ITPKB: variants seen among roughly 807,000 people sequenced by gnomAD.
ITPKB encodes the protein inositol-trisphosphate 3-kinase B, also known as IP3 3-kinase B.
In ITPKB, 13 loss-of-function variants were observed where a neutral mutation model predicts 69.4. The ratio of observed to expected loss-of-function variants is 0.19; its 90% CI spans 0.12 to 0.30. The LOEUF (loss-of-function observed/expected upper bound fraction) is 0.30, where lower values mean the gene tolerates loss of function less well. Ranked by LOEUF, ITPKB falls within the 10% of genes least tolerant of loss-of-function variation. The pLI, the probability that ITPKB is intolerant of heterozygous loss-of-function variation, is 1.00. For missense variants in ITPKB, 1,240 were observed against 1,250.5 expected (o/e 0.99, Z 0.13); for synonymous variants, 584 against 513.7 (o/e 1.14, Z -1.85).
At chr1:226,635,020 AT>A in intron 7 of ITPKB, 134 bp from the exon 8 acceptor site, 1 of 652,518 alleles carries the variant, frequency 1.5e-6, no homozygotes. Flanking sequence ...TCCAATCCCC[AT>A]TTTCAGACAG....
intron 2 of ITPKB, among the ~76,000 whole-genome samples, chr1:226,658,478 G>A (rs1016883005): frequency 5.9e-5 from 9 of 152,194 alleles, no homozygotes; most frequent in African/African-American, 1.9e-4. Context: ...ACCAAGGATC[G>A]GAAAAATTAA....
At chr1:226,685,364 C>G (rs1389257866) in intron 2 of ITPKB, among the ~76,000 whole-genome samples, 1 of 152,234 alleles carries the variant, frequency 6.6e-6, no homozygotes, top group East Asian at 1.9e-4. Flanking sequence ...CATTGACCCA[C>G]TCACCATTTC....
chr1:226,637,643 G>A lies in ITPKB; in HGVS notation c.2625+36C>T, dbSNP rs1410553117. On this transcript the variant is annotated intron_variant, in intron 7 of 7. Coordinates refer to ENST00000429204, the MANE Select transcript of ITPKB (RefSeq NM_002221.4). The surrounding 1 kb of genome is among the most constrained non-coding windows in gnomAD (Gnocchi z 4.3). ...AGGAGAAGGCCTGTTGGCACGCGCA[G>A]CATTCTGCTCAAGAGGGCAAAAGCC... 3 of 1,524,472 alleles carry A rather than the reference G, an allele frequency of 2.0e-6. No homozygotes were observed. The highest frequency in any genetic ancestry group is 1.7e-5 in the Admixed American group (1 of 59,622). 94.4% of individuals were successfully genotyped at this position (1,524,472 alleles called of 1,614,324 possible).
intron 5 of ITPKB, among the ~76,000 whole-genome samples, chr1:226,639,924 G>A (rs543582441): frequency 6.6e-6 from 1 of 152,324 alleles, no homozygotes; most frequent in South Asian, 2.1e-4. Flanking sequence ...GCCCGGAGGT[G>A]TGAAGGGCAT....
chr1:226,637,393 T>C lies in ITPKB; in HGVS notation c.2625+286A>G. Among the ~76,000 whole-genome samples the C allele has an allele frequency of 6.6e-6, 1 of 152,168 alleles. No homozygotes were observed. The highest frequency in any genetic ancestry group is 1.5e-5 in the Non-Finnish European group (1 of 68,016). On this transcript the variant is annotated intron_variant, in intron 7 of 7. Transcript: ENST00000429204. This position sits in a 1 kb window ranked among gnomAD's most constrained non-coding sequence, Gnocchi z 4.3. ...CCTGAGACCACGGGTGTGTGGGATA[T>C]GAGTCCTGCCACCACTGCCCAGAAT...
intron 2 of ITPKB, among the ~76,000 whole-genome samples, chr1:226,683,230 G>A (rs1012444750): frequency 4.6e-5 from 7 of 152,202 alleles, no homozygotes; most frequent in African/African-American, 1.4e-4. Context: ...CTCCCCCTTC[G>A]TGCTTTGAGC....
At chr1:226,677,345 A>G (rs923619154) in intron 2 of ITPKB, among the ~76,000 whole-genome samples, 1 of 152,194 alleles carries the variant, frequency 6.6e-6, no homozygotes, top group Non-Finnish European at 1.5e-5. Context: ...GGCTGGGGAG[A>G]GACCTTGGTG....
intron 2 of ITPKB, chr1:226,707,638 G>C (rs1056409657): frequency 5.2e-5 from 52 of 1,001,680 alleles, no homozygotes; most frequent in Non-Finnish European, 5.7e-5. Context: ...GTACACATGA[G>C]TAACTCAAGG....
At chr1:226,683,616 C>T (rs1052738900) in intron 2 of ITPKB, among the ~76,000 whole-genome samples, 4 of 152,006 alleles carry the variant, frequency 2.6e-5, no homozygotes, top group African/African-American at 7.3e-5. Flanking sequence ...GAGACGGTGG[C>T]GGGGGAAGGG....
intron 2 of ITPKB, among the ~76,000 whole-genome samples, chr1:226,666,831 G>A (rs1233453824): frequency 6.6e-6 from 1 of 152,010 alleles, no homozygotes; most frequent in Non-Finnish European, 1.5e-5. Context: ...AACCTTCTGT[G>A]GCTTCCCTAA....
intron 4 of ITPKB, among the ~76,000 whole-genome samples, chr1:226,644,898 A>C (rs1222898957): frequency 6.6e-6 from 1 of 152,238 alleles, no homozygotes; most frequent in Non-Finnish European, 1.5e-5. Flanking sequence ...GGGAAGGCAC[A>C]GTCCATGGCC....
At chr1:226,690,646 C>T (rs768194736) in intron 2 of ITPKB, among the ~76,000 whole-genome samples, 1 of 152,184 alleles carries the variant, frequency 6.6e-6, no homozygotes, top group Admixed American at 6.5e-5. Flanking sequence ...CTAGTATTTA[C>T]GTCAACTGAG....
At position 226,707,290 on chromosome 1, in the gene ITPKB, G is replaced by A. The variant is rs536206227; in HGVS notation, c.1932+28237C>T. ...GGCTCACCGCAACCTCCGCCTCTCA[G>A]GTTCAAGCAATTCTCCTGCCTCAGC... is the stretch of plus-strand genomic sequence containing the variant. On this transcript the variant is annotated intron_variant, in intron 2 of 7. Transcript: ENST00000429204. The A allele has an allele frequency of 1.5e-3, 313 of 206,160 alleles. 2 individuals are homozygous for A. The highest frequency in any genetic ancestry group is 2.4e-3 in the Non-Finnish European group (277 of 117,574). 12.8% of individuals were successfully genotyped at this position (206,160 alleles called of 1,614,324 possible). A position where few individuals can be genotyped will look rare whatever the true frequency, so the allele number is the denominator to read the frequency against.
chr1:226,655,731 C>A lies in ITPKB; in HGVS notation c.1933-6960G>T, dbSNP rs1188349130. 2.0e-5 allele frequency among the ~76,000 whole-genome samples: 3 copies of A among 152,238 alleles called. No homozygotes were observed. The East Asian group carries it at 5.8e-4, about 29-fold the overall frequency. The stretch of plus-strand genomic sequence containing the variant: ...TCTGATCCTCAGCTCAGCCCACATG[C>A]CCCCTGGGGTCTGCTTCCTGTCTTC... On this transcript the variant is annotated intron_variant, in intron 2 of 7. Coordinates refer to ENST00000429204, the MANE Select transcript of ITPKB (RefSeq NM_002221.4).
chr1:226,640,252 C>T (rs2102739900), intron 5 of ITPKB, among the ~76,000 whole-genome samples: 1 of 152,356 alleles, frequency 6.6e-6, no homozygotes, highest in East Asian at 1.9e-4. Context: ...CCAGCACTAT[C>T]TCTGTTCAGG....
At chr1:226,684,780 A>C (rs1049424871) in intron 2 of ITPKB, among the ~76,000 whole-genome samples, 1 of 152,192 alleles carries the variant, frequency 6.6e-6, no homozygotes, top group Non-Finnish European at 1.5e-5. Flanking sequence ...ACTTACAGGT[A>C]ACAAAACCCA....
At chr1:226,685,895 A>G (rs1656197672) in intron 2 of ITPKB, among the ~76,000 whole-genome samples, 1 of 152,222 alleles carries the variant, frequency 6.6e-6, no homozygotes, top group African/African-American at 2.4e-5. Context: ...GCTGTGGGGC[A>G]GCACGAGGAA....
chr1:226,644,930 C>T (rs770089784), intron 4 of ITPKB, among the ~76,000 whole-genome samples: 20 of 152,188 alleles, frequency 1.3e-4, no homozygotes, highest in Non-Finnish European at 2.6e-4. Context: ...AGCCTGGCAC[C>T]CCAGGGAAAT....
rs940907815 is a variant in ITPKB at position 226,636,105 on chromosome 1, C to T, written c.2626-1219G>A. 2.6e-4 allele frequency among the ~76,000 whole-genome samples: 39 copies of T among 152,352 alleles called. 1 individual carries two copies. The highest frequency in any genetic ancestry group is 9.1e-4 in the African/African-American group (38 of 41,592). On this transcript the variant is annotated intron_variant, in intron 7 of 7. Coordinates refer to ENST00000429204, the MANE Select transcript of ITPKB (RefSeq NM_002221.4). ...AAAATGCTTTTCCAAGAAATAAAAG[C>T]AGAAGTGTTGAAGAAGGGTGGGAAC...
Sources: allele counts gnomAD v4.1 joint callset (sites outside exome capture counted in the v4.1 genomes callset), GRCh38; gene constraint gnomAD v4.1.1; non-coding constraint Gnocchi (gnomAD v3.1); transcripts MANE v1.5; gene names NCBI Gene and HGNC (gene_info 2026-07-23, HGNC 2026-07-21).